Variants in PRDM16 observed in about 807,000 individuals in gnomAD.
The protein encoded by PRDM16 is PR/SET domain 16.
In PRDM16, 23 loss-of-function variants were observed where a neutral mutation model predicts 110.6. The observed-to-expected ratio is 0.21, with a 90% CI of 0.15 to 0.29. The LOEUF is 0.29. PRDM16 is among the 10% of genes least tolerant of loss of function. PRDM16 has a pLI of 1.00. For synonymous variants in PRDM16, 799 were observed against 781.8 expected (o/e 1.02, Z -0.37); for missense variants, 1,615 against 1,794.3 (o/e 0.90, Z 1.81).
At chr1:3,153,755 C>G (rs1407449216) in intron 1 of PRDM16, among the ~76,000 whole-genome samples, 7 of 152,226 alleles carry the variant, frequency 4.6e-5, no homozygotes, top group Non-Finnish European at 2.9e-5. Flanking sequence ...TAAGTAAACA[C>G]CAGCTGAATA....
Position 3,382,358 on chromosome 1 carries a change from C to T in PRDM16, c.439-2794C>T, listed in dbSNP as rs1447950383. Among the ~76,000 whole-genome samples, 1 of 152,220 alleles carries T rather than the reference C, an allele frequency of 6.6e-6. No homozygotes were observed. The highest frequency in any genetic ancestry group is 1.5e-5 in the Non-Finnish European group (1 of 68,026). ...GGGCTGGCCCTGGACTTGGGCAGGG[C>T]AGGCAGTGACCTCCCTGGACAGCGT... is the stretch of plus-strand genomic sequence containing the variant. On this transcript the variant is annotated intron_variant, in intron 3 of 16. Transcript: ENST00000270722. The surrounding 1 kb of genome is among the most constrained non-coding windows in gnomAD (Gnocchi z 6.6).
At chr1:3,252,069 T>C (rs1447950123) in intron 3 of PRDM16, among the ~76,000 whole-genome samples, 2 of 152,196 alleles carry the variant, frequency 1.3e-5, no homozygotes, top group Non-Finnish European at 2.9e-5. Flanking sequence ...CCCTCCAGTG[T>C]AAAAGAGGGC....
intron 1 of PRDM16, among the ~76,000 whole-genome samples, chr1:3,183,564 G>A (rs1346702264): frequency 1.3e-5 from 2 of 152,226 alleles, no homozygotes; most frequent in African/African-American, 2.4e-5. Context: ...GTGGGCAATC[G>A]CTTAACCCCG....
chr1:3,257,913 A>G (rs1640085545), intron 3 of PRDM16, among the ~76,000 whole-genome samples: 1 of 152,178 alleles, frequency 6.6e-6, no homozygotes, highest in Non-Finnish European at 1.5e-5. Flanking sequence ...TCCCCACCAC[A>G]GGGACAGCTG....
intron 1 of PRDM16, among the ~76,000 whole-genome samples, chr1:3,092,784 C>T (rs1185248451): frequency 6.6e-6 from 1 of 152,006 alleles, no homozygotes; most frequent in East Asian, 1.9e-4. Context: ...AGGGTGGCAA[C>T]CTGGGCTGGG....
At position 3,438,174 on chromosome 1, in the gene PRDM16, T is replaced by G. The variant is rs762639061; in HGVS notation, c.*4363T>G. The G allele has an allele frequency of 2.4e-4, 50 of 204,404 alleles. No homozygotes were observed. The highest frequency in any genetic ancestry group is 4.2e-4 in the Non-Finnish European group (42 of 99,836). 12.7% of individuals were successfully genotyped at this position (204,404 alleles called of 1,614,324 possible). A position where few individuals can be genotyped will look rare whatever the true frequency, so the allele number is the denominator to read the frequency against. On this transcript the variant is annotated 3_prime_UTR_variant, in exon 17 of 17. Transcript: ENST00000270722. ...CATGTCCCCCTTGATTGTAAATTGC[T>G]TCTGTTCTGTTTATAAGTAAACTGT...
intron 2 of PRDM16, among the ~76,000 whole-genome samples, chr1:3,189,535 A>G (rs556576910): frequency 4.6e-5 from 7 of 152,394 alleles, no homozygotes; most frequent in East Asian, 3.9e-4. Context: ...TTTCATATGT[A>G]TAATTGTTCA....
intron 2 of PRDM16, among the ~76,000 whole-genome samples, chr1:3,200,443 C>T (rs1425900256): frequency 1.3e-5 from 2 of 152,158 alleles, no homozygotes; most frequent in Non-Finnish European, 2.9e-5. Flanking sequence ...CCCGGGTTCA[C>T]GCCATTCTCC....
chr1:3,414,709 G>T, intron 10 of PRDM16, 62 bp downstream of exon 10: 1 of 1,324,570 alleles, frequency 7.5e-7, no homozygotes, highest in South Asian at 1.2e-5. Flanking sequence ...CCATCTCCCG[G>T]CTGTCGAGGC....
chr1:3,268,788 G>A (rs897163255), intron 3 of PRDM16, among the ~76,000 whole-genome samples: 7 of 152,194 alleles, frequency 4.6e-5, no homozygotes, highest in Non-Finnish European at 7.3e-5. Flanking sequence ...TGGTATATTC[G>A]AGGAGGGCAG....
At chr1:3,098,071 C>T (rs1363123159) in intron 1 of PRDM16, among the ~76,000 whole-genome samples, 4 of 152,162 alleles carry the variant, frequency 2.6e-5, no homozygotes, top group Admixed American at 6.5e-5. Flanking sequence ...CGCCCTTGTG[C>T]GGCTCCTTCC....
At chr1:3,138,745 G>A (rs191333067) in intron 1 of PRDM16, among the ~76,000 whole-genome samples, 11 of 152,302 alleles carry the variant, frequency 7.2e-5, no homozygotes, top group African/African-American at 2.4e-4. Context: ...CCAACACTCA[G>A]GTATTCCCGC....
chr1:3,124,992 C>G lies in PRDM16; in HGVS notation c.37+55696C>G, dbSNP rs563916212. On this transcript the variant is annotated intron_variant, in intron 1 of 16. Transcript: ENST00000270722. Reference sequence around the variant, plus strand: ...TCCAGCTCCCGCAATGTTCAGGTTCCTGTCAGCTCCGCAGGAGCCCCCTGG... The same window carrying G: ...TCCAGCTCCCGCAATGTTCAGGTTCGTGTCAGCTCCGCAGGAGCCCCCTGG... Among the ~76,000 whole-genome samples, 3 of 152,374 alleles carry G rather than the reference C, an allele frequency of 2.0e-5. No individual in the cohort carries two copies. The East Asian group carries it at 5.8e-4, about 29-fold the overall frequency.
chr1:3,071,155 G>A (rs1159230834), intron 1 of PRDM16, among the ~76,000 whole-genome samples: 3 of 152,268 alleles, frequency 2.0e-5, no homozygotes, highest in African/African-American at 7.2e-5. Flanking sequence ...GAACGAGAAA[G>A]GGGAAACCGG....
chr1:3,094,740 C>T (rs959040307), intron 1 of PRDM16, among the ~76,000 whole-genome samples: 13 of 152,344 alleles, frequency 8.5e-5, no homozygotes, highest in Non-Finnish European at 1.6e-4. Context: ...GTGGCTGCGC[C>T]GTTCCTGCTT....
At chr1:3,256,795 T>G (rs982473766) in intron 3 of PRDM16, among the ~76,000 whole-genome samples, 1 of 152,106 alleles carries the variant, frequency 6.6e-6, no homozygotes, top group Admixed American at 6.5e-5. Context: ...AGGCAGAGCT[T>G]GCAGTGAGCC....
intron 1 of PRDM16, among the ~76,000 whole-genome samples, chr1:3,114,169 A>ACG (rs1553127214): frequency 9.9e-5 from 10 of 100,786 alleles, no homozygotes; most frequent in African/African-American, 4.1e-4. Context: ...ACACACGCAC[A>ACG]CACACGCACA....
chr1:3,151,853 G>T (rs1259822191), intron 1 of PRDM16, among the ~76,000 whole-genome samples: 1 of 152,246 alleles, frequency 6.6e-6, no homozygotes, highest in Non-Finnish European at 1.5e-5. Context: ...GTTGTGTGTG[G>T]CCTGTGCCCC....
At chr1:3,236,853 T>A (rs1277152705) in intron 2 of PRDM16, among the ~76,000 whole-genome samples, 1 of 152,150 alleles carries the variant, frequency 6.6e-6, no homozygotes, top group Non-Finnish European at 1.5e-5. Flanking sequence ...TTACATGCAT[T>A]ATTGGGGGCC....
Sources: allele counts gnomAD v4.1 joint callset (sites outside exome capture counted in the v4.1 genomes callset), GRCh38; gene constraint gnomAD v4.1.1; non-coding constraint Gnocchi (gnomAD v3.1); transcripts MANE v1.5; gene names NCBI Gene and HGNC (gene_info 2026-07-23, HGNC 2026-07-21).